Variants in LMO1 observed in about 807,000 individuals in gnomAD.
LMO1 encodes rhombotin-1.
LMO1 carries 10 observed loss-of-function variants against 18.0 expected under a neutral mutation model. That is an observed-to-expected ratio of 0.55 (90% CI 0.34 to 0.94). The LOEUF (loss-of-function observed/expected upper bound fraction) is 0.94, where lower values mean the gene tolerates loss of function less well. Among genes scored for constraint, LMO1 ranks in the 40% least tolerant of loss-of-function variants. The probability of loss-of-function intolerance (pLI) is 0.02; values close to 1 mark genes in which losing one functional copy is unlikely to be tolerated. For synonymous variants in LMO1, 77 were observed against 77.9 expected, an observed-to-expected ratio of 0.99 and a Z score of 0.06; for missense variants, 183 against 205.7, an observed-to-expected ratio of 0.89 and a Z score of 0.68.
chr11:8,253,896 T>C (rs546573880), intron 1 of LMO1, among the ~76,000 whole-genome samples: 86 of 152,076 alleles, frequency 5.7e-4, no homozygotes, highest in Non-Finnish European at 1.1e-3. Flanking sequence ...GGTTGAGTCA[T>C]AAGTTATCAG....
Position 8,225,016 on chromosome 11 carries a change from A to AG in LMO1, c.366-296dup, listed in dbSNP as rs369548020. On this transcript the variant is annotated intron_variant, in intron 3 of 3. Coordinates refer to ENST00000335790, the MANE Select transcript of LMO1 (RefSeq NM_002315.3). ...CTCCTGTGTTGGTGAGTGTAGGGTT[A>AG]GGGGGGTTGGTGGAGAGGTGCAGGA... 8.6e-3 allele frequency among the ~76,000 whole-genome samples: 1,308 copies of AG among 152,066 alleles called. 15 individuals are homozygous for AG. Among genetic ancestry groups the AG allele is most frequent in the African/African-American group, 0.03 (1,248 of 41,442 alleles).
At chr11:8,236,734 A>T (rs1952767499) in intron 1 of LMO1, among the ~76,000 whole-genome samples, 1 of 152,070 alleles carries the variant, frequency 6.6e-6, no homozygotes, top group Admixed American at 6.6e-5. Flanking sequence ...GTGAGGAGGG[A>T]CTGTGTCTGT....
chr11:8,224,382 C>A lies in LMO1; in HGVS notation c.*234G>T. ...TACATTTCTCATAAAATAAATGTTC[C>A]CATTTATATACAGAAGACAGACTGT... On this transcript the variant is annotated 3_prime_UTR_variant, in exon 4 of 4. Transcript: ENST00000335790. 2.0e-6 allele frequency: 1 copy of A among 504,034 alleles called. No homozygotes were observed. Among genetic ancestry groups the A allele is most frequent in the Non-Finnish European group, 3.5e-6 (1 of 283,530 alleles). 31.2% of individuals were successfully genotyped at this position (504,034 alleles called of 1,614,324 possible).
At chr11:8,253,787 T>C (rs1355162013) in intron 1 of LMO1, among the ~76,000 whole-genome samples, 3 of 151,946 alleles carry the variant, frequency 2.0e-5, no homozygotes, top group Non-Finnish European at 2.9e-5. Flanking sequence ...AACTCCTTTC[T>C]GGGGTACCCC....
intron 1 of LMO1, among the ~76,000 whole-genome samples, chr11:8,247,061 A>G (rs1420972907): frequency 6.6e-6 from 1 of 152,170 alleles, no homozygotes; most frequent in Non-Finnish European, 1.5e-5. Context: ...CTGCTTCCAC[A>G]ACTGCATTCT....
intron 1 of LMO1, among the ~76,000 whole-genome samples, chr11:8,260,304 AG>A (rs1847164396): frequency 6.6e-6 from 1 of 152,174 alleles, no homozygotes; most frequent in South Asian, 2.1e-4. Context: ...CCCAAGCCGC[AG>A]GTGCCAGGGG....
At chr11:8,260,708 G>A (rs1460367426) in intron 1 of LMO1, among the ~76,000 whole-genome samples, 2 of 152,066 alleles carry the variant, frequency 1.3e-5, no homozygotes, top group East Asian at 3.9e-4. Flanking sequence ...AGCAGAGCGG[G>A]AGCTTTGGTC....
rs143106542 is a variant in LMO1 at position 8,229,013 on chromosome 11, G to C, written c.239+1278C>G. Reference sequence around the variant, plus strand: ...AGCAATCCTTCCACTTCAGCCTCCTGAGTAGTTGGGACTACAGGCATGCAG... The same window carrying C: ...AGCAATCCTTCCACTTCAGCCTCCTCAGTAGTTGGGACTACAGGCATGCAG... On this transcript the variant is annotated intron_variant, in intron 2 of 3. Coordinates refer to ENST00000335790, the MANE Select transcript of LMO1 (RefSeq NM_002315.3). 6.0e-3 allele frequency among the ~76,000 whole-genome samples: 913 copies of C among 152,004 alleles called. 6 individuals carry two copies. Among genetic ancestry groups the C allele is most frequent in the African/African-American group, 0.021 (883 of 41,464 alleles).
At chr11:8,231,681 G>A (rs952063098) in intron 1 of LMO1, among the ~76,000 whole-genome samples, 4 of 151,254 alleles carry the variant, frequency 2.6e-5, no homozygotes, top group South Asian at 2.1e-4. Context: ...CCACCTCCCC[G>A]GCTTTCCAAC....
upstream of LMO1, chr11:8,268,480 A>G: frequency 7.2e-7 from 1 of 1,394,164 alleles, no homozygotes. Context: ...ACTAGCGCCG[A>G]GGATACGGAG....
At chr11:8,268,280 G>A (rs956620517), upstream of LMO1, 11 of 551,864 alleles carry the variant, frequency 2.0e-5, 1 homozygote, top group East Asian at 2.6e-4. Context: ...CCGCGCTTCC[G>A]GGAAGCCACC....
intron 1 of LMO1, among the ~76,000 whole-genome samples, chr11:8,246,928 C>T (rs562240639): frequency 6.6e-6 from 1 of 152,250 alleles, no homozygotes; most frequent in South Asian, 2.1e-4. Context: ...GAAAGGGCTC[C>T]AGAGCACCCC....
intron 1 of LMO1, among the ~76,000 whole-genome samples, chr11:8,259,669 C>G (rs1351234765): frequency 6.6e-6 from 1 of 152,120 alleles, no homozygotes; most frequent in Non-Finnish European, 1.5e-5. Flanking sequence ...AGGGTTGGGA[C>G]GGTCATGAGC....
rs1419720172 is a variant in LMO1 at position 8,227,045 on chromosome 11, C to G, written c.295G>C (p.Glu99Gln). 6 of 1,613,946 alleles carry G rather than the reference C, an allele frequency of 3.7e-6. No individual in the cohort carries two copies. Among genetic ancestry groups the G allele is most frequent in the South Asian group, 1.1e-5 (1 of 91,084 alleles). ...TTGTCCCGGGCCCGCATCACCATCT[C>G]GAAGGCTGGGATCAGCTTGCTGCAA... ...AACSKLIPAF[E>Q]MVMRARDNVY... The change falls in exon 3 of 4, where the codon GAG becomes CAG. Residue 99 changes from glutamate to glutamine, a missense_variant. By Grantham distance (29) the Glu-to-Gln change is conservative. Coordinates refer to ENST00000335790, the MANE Select transcript of LMO1 (RefSeq NM_002315.3).
chr11:8,243,262 A>G (rs1424512177), intron 1 of LMO1, among the ~76,000 whole-genome samples: 1 of 152,214 alleles, frequency 6.6e-6, no homozygotes, highest in Non-Finnish European at 1.5e-5. Flanking sequence ...AGCAAGGCCC[A>G]CGTGAGCCAG....
At chr11:8,268,338 GC>G, upstream of LMO1, 1 of 1,175,940 alleles carries the variant, frequency 8.5e-7, no homozygotes. Flanking sequence ...GCCGCCGCTA[GC>G]GGGGTGGACT....
chr11:8,232,575 C>T (rs1201750668), intron 1 of LMO1, among the ~76,000 whole-genome samples: 1 of 152,174 alleles, frequency 6.6e-6, no homozygotes, highest in East Asian at 1.9e-4. Context: ...ATGCAGCCAG[C>T]AGAGGTACGC....
chr11:8,258,417 C>G (rs1467305180), intron 1 of LMO1, among the ~76,000 whole-genome samples: 2 of 152,238 alleles, frequency 1.3e-5, no homozygotes, highest in African/African-American at 4.8e-5. Context: ...GCTCTGTCTT[C>G]TGCTCAGACA....
chr11:8,264,924 C>A (rs983008185), upstream of LMO1, among the ~76,000 whole-genome samples: 5 of 152,230 alleles, frequency 3.3e-5, no homozygotes, highest in African/African-American at 9.6e-5. Context: ...AGCTGCTGCG[C>A]CTGGCCGGAA....
Sources: allele counts gnomAD v4.1 joint callset (sites outside exome capture counted in the v4.1 genomes callset), GRCh38; gene constraint gnomAD v4.1.1; transcripts MANE v1.5; gene names NCBI Gene and HGNC (gene_info 2026-07-23, HGNC 2026-07-21).